ASTN2: variants seen among roughly 807,000 people sequenced by gnomAD.
The protein encoded by ASTN2 is astrotactin-2.
A neutral mutation model predicts 139.8 loss-of-function variants in ASTN2; 54 were observed. That is an observed-to-expected ratio of 0.39 (90% CI 0.31 to 0.48). ASTN2 has a LOEUF of 0.48. Ranked by LOEUF, ASTN2 falls within the 20% of genes least tolerant of loss-of-function variation. ASTN2 has a pLI of 0.95. For synonymous variants in ASTN2, 756 were observed against 719.5 expected (o/e 1.05, Z -0.81); for missense variants, 1,565 against 1,725.1 (o/e 0.91, Z 1.64).
At chr9:117,352,256 A>G (rs1427500942) in intron 1 of ASTN2, among the ~76,000 whole-genome samples, 1 of 152,172 alleles carries the variant, frequency 6.6e-6, no homozygotes, top group African/African-American at 2.4e-5. Flanking sequence ...TTATGACTTC[A>G]TCTACCTTTA....
intron 19 of ASTN2, among the ~76,000 whole-genome samples, chr9:116,574,162 A>T (rs1027787093): frequency 6.6e-6 from 1 of 152,334 alleles, no homozygotes; most frequent in Admixed American, 6.5e-5. Context: ...TGAGCCACAC[A>T]GTCTCTGTTG....
At chr9:117,195,761 G>A (rs1489197306) in intron 3 of ASTN2, among the ~76,000 whole-genome samples, 1 of 152,102 alleles carries the variant, frequency 6.6e-6, no homozygotes, top group African/African-American at 2.4e-5. Context: ...TCAGAAGGGT[G>A]AGTTAACAAA....
chr9:116,431,374 T>C (rs1588050926), intron 22 of ASTN2, among the ~76,000 whole-genome samples: 1 of 151,992 alleles, frequency 6.6e-6, no homozygotes, highest in African/African-American at 2.4e-5. Flanking sequence ...CATGATGTGG[T>C]TGCAAAAAAA....
At chr9:116,544,001 A>G (rs1851986770) in intron 19 of ASTN2, among the ~76,000 whole-genome samples, 1 of 152,182 alleles carries the variant, frequency 6.6e-6, no homozygotes, top group Non-Finnish European at 1.5e-5. Flanking sequence ...TTAGAACATA[A>G]CATTGTCTAG....
At chr9:116,900,857 G>A (rs1044161639) in intron 10 of ASTN2, among the ~76,000 whole-genome samples, 2 of 152,144 alleles carry the variant, frequency 1.3e-5, no homozygotes, top group African/African-American at 4.8e-5. Context: ...AAGCAATAAG[G>A]AGACTGCTTC....
chr9:117,140,128 C>G (rs1422760953), intron 4 of ASTN2, among the ~76,000 whole-genome samples: 1 of 152,168 alleles, frequency 6.6e-6, no homozygotes. Context: ...ATGCATATAT[C>G]ATTTAAGCTG....
chr9:117,057,415 T>C (rs1839094009), intron 5 of ASTN2, among the ~76,000 whole-genome samples: 1 of 152,138 alleles, frequency 6.6e-6, no homozygotes, highest in Non-Finnish European at 1.5e-5. Flanking sequence ...ATAACTCAGG[T>C]GCTACACACA....
intron 16 of ASTN2, among the ~76,000 whole-genome samples, chr9:116,694,212 G>T (rs1308087670): frequency 2.0e-5 from 3 of 152,022 alleles, no homozygotes; most frequent in Admixed American, 6.6e-5. Flanking sequence ...TTGAAGGAGG[G>T]ATATGATATT....
chr9:117,079,509 C>G (rs1828368787), intron 5 of ASTN2, among the ~76,000 whole-genome samples: 2 of 152,108 alleles, frequency 1.3e-5, no homozygotes, highest in African/African-American at 4.8e-5. Context: ...GGTTGGGAAC[C>G]ATGATACAAG....
At chr9:117,379,578 T>C (rs1370673711) in intron 1 of ASTN2, among the ~76,000 whole-genome samples, 1 of 152,180 alleles carries the variant, frequency 6.6e-6, no homozygotes, top group African/African-American at 2.4e-5. Flanking sequence ...TAAAATGTAA[T>C]TGAAGTAAAC....
In ASTN2 at chr9:117,346,251, A is replaced by C. The variant is rs185268895; in HGVS notation, c.443-54738T>G. 1.9e-3 allele frequency among the ~76,000 whole-genome samples: 289 copies of C among 152,282 alleles called. 2 individuals carry two copies. The highest frequency in any genetic ancestry group is 6.6e-3 in the African/African-American group (274 of 41,572). On this transcript the variant is annotated intron_variant, in intron 1 of 22. Coordinates refer to ENST00000313400, the MANE Select transcript of ASTN2 (RefSeq NM_001365068.1). The stretch of plus-strand genomic sequence containing the variant: ...GATTTGCATATCTCAAATCAAGGTA[A>C]GGCATAGAACACTAGGAAACAGTAT...
At chr9:116,982,464 G>T (rs1270467424) in intron 7 of ASTN2, among the ~76,000 whole-genome samples, 1 of 152,104 alleles carries the variant, frequency 6.6e-6, no homozygotes, top group Non-Finnish European at 1.5e-5. Context: ...GAAAGGAAAG[G>T]TGCTTAGAAT....
intron 3 of ASTN2, chr9:117,181,117 C>T (rs1292115587): frequency 6.7e-6 from 6 of 894,512 alleles, no homozygotes; most frequent in South Asian, 4.0e-5. Context: ...AGGCTGCATA[C>T]ACTACCAAGA....
At chr9:117,318,021 C>T (rs1407679656) in intron 1 of ASTN2, among the ~76,000 whole-genome samples, 1 of 152,208 alleles carries the variant, frequency 6.6e-6, no homozygotes, top group Non-Finnish European at 1.5e-5. Context: ...CCCTTTGGAG[C>T]TCATCCTTCT....
At chr9:117,161,325 T>G (rs1588029319) in intron 3 of ASTN2, among the ~76,000 whole-genome samples, 1 of 151,792 alleles carries the variant, frequency 6.6e-6, no homozygotes, top group East Asian at 1.9e-4. Flanking sequence ...GGGCTGGGGG[T>G]TAAAAGTGAG....
intron 13 of ASTN2, among the ~76,000 whole-genome samples, chr9:116,768,520 C>T (rs10115176): frequency 0.23 from 34,259 of 152,084 alleles, 4,718 homozygotes; most frequent in Non-Finnish European, 0.32. Flanking sequence ...CTTTTTCTAC[C>T]TACATTTCCC....
At chr9:117,228,280 G>A (rs1486387000) in intron 2 of ASTN2, among the ~76,000 whole-genome samples, 3 of 152,086 alleles carry the variant, frequency 2.0e-5, no homozygotes, top group Non-Finnish European at 4.4e-5. Flanking sequence ...TAACTTAGGC[G>A]CAAAAGAAAC....
At chr9:116,525,945 C>G (rs922853869) in intron 19 of ASTN2, among the ~76,000 whole-genome samples, 1 of 152,126 alleles carries the variant, frequency 6.6e-6, no homozygotes, top group African/African-American at 2.4e-5. Context: ...TCTGCTTTTT[C>G]CTATGCTATT....
intron 10 of ASTN2, 41 bp from the exon 11 acceptor site, chr9:116,863,774 G>C (rs778447061): frequency 6.5e-7 from 1 of 1,542,908 alleles, no homozygotes; most frequent in Non-Finnish European, 8.8e-7. Context: ...GAGACATTTG[G>C]ATCCTTAGAT....
Sources: gnomAD v4.1 joint callset for allele counts (sites outside exome capture counted in the v4.1 genomes callset) on GRCh38, gnomAD v4.1.1 for gene constraint, MANE v1.5 for transcripts, NCBI Gene and HGNC (gene_info 2026-07-23, HGNC 2026-07-21) for gene names.